CEP85: variants seen among roughly 807,000 people sequenced by gnomAD.
CEP85 encodes centrosomal protein 85.
In CEP85, 58 loss-of-function variants were observed where a neutral mutation model predicts 93.7. The observed-to-expected ratio is 0.62, with a 90% confidence interval of 0.50 to 0.77. CEP85 has a LOEUF of 0.77. CEP85 is among the 30% of genes least tolerant of loss of function. The pLI is 0.00. For missense variants in CEP85, 868 were observed against 922.0 expected (o/e 0.94, Z 0.76); for synonymous variants, 314 against 338.6 (o/e 0.93, Z 0.80).
intron 7 of CEP85, among the ~76,000 whole-genome samples, chr1:26,263,991 G>A (rs1012383216): frequency 6.6e-5 from 10 of 152,166 alleles, no homozygotes; most frequent in African/African-American, 1.4e-4. Flanking sequence ...CCAGTCCCCC[G>A]TGTACACCAA....
intron 11 of CEP85, chr1:26,272,345 T>A: frequency 2.3e-6 from 1 of 437,636 alleles, no homozygotes; most frequent in East Asian, 3.7e-5. Flanking sequence ...TTTCTGGAGA[T>A]CCTGAACCTA....
At chr1:26,275,384 G>T (rs962346932) in intron 12 of CEP85, among the ~76,000 whole-genome samples, 2 of 151,384 alleles carry the variant, frequency 1.3e-5, no homozygotes, top group Admixed American at 6.6e-5. Context: ...AGGTTCAAGC[G>T]ATTCCCCTGC....
intron 1 of CEP85, 75 bp from the exon 2 acceptor site, chr1:26,239,687 C>A: frequency 1.1e-6 from 1 of 914,154 alleles, no homozygotes; most frequent in Non-Finnish European, 1.8e-6. Flanking sequence ...TTGACAGTTT[C>A]AGTTGAATGG....
In CEP85 at chr1:26,276,773, A is replaced by G. The variant is rs376378356; in HGVS notation, c.2128+13A>G. 12 of 1,602,558 alleles carry G rather than the reference A, an allele frequency of 7.5e-6. No homozygotes were observed. The highest frequency in any genetic ancestry group is 5.4e-5 in the African/African-American group (4 of 74,512). ...CTGGGCATTCACTGTGAGTCCTCAG[A>G]CCAGTCTGGGGCCCAGGAAGGAGGG... On this transcript the variant is annotated intron_variant, in intron 13 of 13. Transcript: ENST00000451429.
intron 3 of CEP85, among the ~76,000 whole-genome samples, chr1:26,253,552 G>T (rs1416932512): frequency 1.3e-5 from 2 of 151,666 alleles, no homozygotes; most frequent in Non-Finnish European, 2.9e-5. Context: ...ACCATACCTG[G>T]CTAATATTTT....
intron 2 of CEP85, among the ~76,000 whole-genome samples, chr1:26,243,540 G>C (rs1430814615): frequency 6.6e-6 from 1 of 152,172 alleles, no homozygotes; most frequent in Non-Finnish European, 1.5e-5. Flanking sequence ...TTTTCAGTAA[G>C]TAGGTAGGCA....
intron 3 of CEP85, 30 bp downstream of exon 3, chr1:26,244,348 A>G (rs2089477452): frequency 6.3e-7 from 1 of 1,592,390 alleles, no homozygotes; most frequent in Non-Finnish European, 8.6e-7. Context: ...TTGATTACCA[A>G]TATGTGTTCT....
intron 3 of CEP85, among the ~76,000 whole-genome samples, chr1:26,251,920 T>C (rs891367679): frequency 6.6e-6 from 1 of 152,128 alleles, no homozygotes; most frequent in African/African-American, 2.4e-5. Flanking sequence ...ACTATGGTGC[T>C]GTTATGGAGG....
chr1:26,276,438 A>G (rs893302771), intron 12 of CEP85, 97 bp from the exon 13 acceptor site: 7 of 927,830 alleles, frequency 7.5e-6, no homozygotes, highest in Admixed American at 6.0e-5. Flanking sequence ...GACACTGCCT[A>G]TGACTCACCC....
At chr1:26,274,055 A>G (rs2090018324) in intron 11 of CEP85, among the ~76,000 whole-genome samples, 1 of 151,614 alleles carries the variant, frequency 6.6e-6, no homozygotes, top group Admixed American at 6.6e-5. Context: ...AATGAGAAAT[A>G]TAAAAAAATT....
chr1:26,266,623 T>G (rs1426459854), intron 7 of CEP85, among the ~76,000 whole-genome samples: 1 of 152,262 alleles, frequency 6.6e-6, no homozygotes, highest in Non-Finnish European at 1.5e-5. Context: ...AGCTTTTGGC[T>G]GATTTTCAGG....
chr1:26,253,705 T>C (rs1279602185), intron 3 of CEP85, among the ~76,000 whole-genome samples: 2 of 151,434 alleles, frequency 1.3e-5, no homozygotes, highest in African/African-American at 4.8e-5. Flanking sequence ...TTTTTCATCA[T>C]AGCCATTCTG....
chr1:26,237,680 T>G (rs1257491322), intron 1 of CEP85, among the ~76,000 whole-genome samples: 1 of 152,226 alleles, frequency 6.6e-6, no homozygotes, highest in Non-Finnish European at 1.5e-5. Flanking sequence ...TGTAAACCTG[T>G]GTTTTCATTT....
In CEP85 at chr1:26,269,604, G is replaced by T. The variant is rs76880849; in HGVS notation, c.1639G>T (p.Ala547Ser). The change falls in exon 9 of 14, where the codon GCT (alanine) becomes TCT (serine). Residue 547 changes from alanine (A) to serine (S), a missense_variant. By Grantham distance (99) the Ala-to-Ser change is moderately conservative. Transcript: ENST00000451429. ...LRQREAEFSSAGHSLQDKQSV... is the reference protein window; with the variant it reads ...LRQREAEFSSSGHSLQDKQSV... ...GCAGAGAGAAGCAGAATTCTCCTCC[G>T]CTGGACATAGGTAAATAACCCTGTG... 4 of 1,613,216 alleles carry T rather than the reference G, an allele frequency of 2.5e-6. No homozygotes were observed. The highest frequency in any genetic ancestry group is 1.7e-5 in the Admixed American group (1 of 59,888).
rs1355979143 is a variant in CEP85, at chr1:26,259,763, G to C, written c.1302G>C (p.Leu434Phe). The change falls in exon 7 of 14, where the codon TTG (leucine) becomes TTC (phenylalanine). Residue 434 changes from leucine to phenylalanine, a missense_variant. Transcript: ENST00000451429. ...QLIRESLKVA[L>F]QKHSEEVKKQ... ...TCAGAGAGTCGCTCAAAGTGGCGTT[G>C]CAGAAGCATTCTGAGGAAGTGAAGA... is the stretch of plus-strand genomic sequence containing the variant. 15 of 1,613,398 alleles carry C rather than the reference G, an allele frequency of 9.3e-6. No individual in the cohort carries two copies. Among genetic ancestry groups the C allele is most frequent in the Non-Finnish European group, 1.3e-5 (15 of 1,179,756 alleles).
At chr1:26,240,376 T>G (rs2089402849) in intron 2 of CEP85, among the ~76,000 whole-genome samples, 1 of 152,172 alleles carries the variant, frequency 6.6e-6, no homozygotes, top group South Asian at 2.1e-4. Context: ...AATCCACAGA[T>G]ACTCAAGTCC....
At chr1:26,244,755 CAA>C (rs1284443996) in intron 3 of CEP85, among the ~76,000 whole-genome samples, 2 of 151,992 alleles carry the variant, frequency 1.3e-5, no homozygotes, top group African/African-American at 4.8e-5. Context: ...CTCCCAGACT[CAA>C]GAGAACCACC....
Position 26,244,238 on chromosome 1 carries a change from G to GGAGCCGCTTCA in CEP85, c.130_140dup (p.Ser47ArgfsTer10). On this transcript the variant is annotated frameshift_variant, in exon 3 of 14. Transcript: ENST00000451429. LOFTEE classifies it high-confidence loss of function. ...ACCCCAGTTATCTCGGAGCCCTTTC[G>GGAGCCGCTTCA]GAGCCGCTTCAGCCGCTGTTCAAGT... 6.2e-7 allele frequency: 1 copy of GGAGCCGCTTCA among 1,613,826 alleles called. No individual in the cohort carries two copies. Among genetic ancestry groups the GGAGCCGCTTCA allele is most frequent in the Non-Finnish European group, 8.5e-7 (1 of 1,179,954 alleles).
intron 7 of CEP85, among the ~76,000 whole-genome samples, chr1:26,264,829 GAC>G (rs902100195): frequency 4.6e-5 from 7 of 152,128 alleles, no homozygotes; most frequent in African/African-American, 1.7e-4. Flanking sequence ...TTGTTTTTGA[GAC>G]ACAGTCTCGC....
Sources: gnomAD v4.1 joint callset for allele counts (sites outside exome capture counted in the v4.1 genomes callset) on GRCh38, gnomAD v4.1.1 for gene constraint, MANE v1.5 for transcripts, NCBI Gene and HGNC (gene_info 2026-07-23, HGNC 2026-07-21) for gene names.